Variants in PRPH observed in about 807,000 individuals in gnomAD.
PRPH encodes neurofilament 4 (57kD).
A neutral mutation model predicts 52.6 loss-of-function variants in PRPH; 48 were observed. The ratio of observed to expected loss-of-function variants is 0.91; its 90% CI spans 0.72 to 1.16. PRPH has a LOEUF of 1.16. Among genes scored for constraint, PRPH ranks in the 50% most tolerant of loss-of-function variants. The pLI is 0.00. For missense variants in PRPH, 579 were observed against 635.7 expected, an observed-to-expected ratio of 0.91 and a Z score of 0.96; for synonymous variants, 279 against 283.8, an observed-to-expected ratio of 0.98 and a Z score of 0.17.
At position 49,297,827 on chromosome 12, in the gene PRPH, C is replaced by G; in HGVS notation, c.1267+101C>G. ...GGGATCTCTTCTCCCCACGGAACTT[C>G]TGGGTCCTGGCCTGTACCCACCCCT... On this transcript the variant is annotated intron_variant, in intron 7 of 8. Transcript: ENST00000257860. This position sits in a 1 kb window ranked among gnomAD's most constrained non-coding sequence, Gnocchi z 4.4. The G allele has an allele frequency of 6.3e-7, 1 of 1,595,250 alleles. No individual in the cohort carries two copies. The highest frequency in any genetic ancestry group is 8.6e-7 in the Non-Finnish European group (1 of 1,163,430).
Position 49,295,679 on chromosome 12 carries a change from G to A in PRPH, c.479G>A (p.Arg160His), listed in dbSNP as rs753306967. 9 of 1,534,322 alleles carry A rather than the reference G, an allele frequency of 5.9e-6. No individual in the cohort carries two copies. Among genetic ancestry groups the A allele is most frequent in the Non-Finnish European group, 7.0e-6 (8 of 1,144,138 alleles). Residue 160 changes from arginine (R) to histidine (H), a missense_variant, in exon 1 of 9, where the codon CGC becomes CAC. Physicochemically the swap from Arg to His is conservative, Grantham distance 29. Coordinates refer to ENST00000257860, the MANE Select transcript of PRPH (RefSeq NM_006262.4). ...CGGCGAGAGCTGGAGCTGTTGGGCC[G>A]CGAGCGTGACCGGGTGCAGGTGGAG... ...ELRRELELLG[R>H]ERDRVQVERD...
Position 49,296,654 on chromosome 12 carries a change from T to A in PRPH, c.702+127T>A. On this transcript the variant is annotated intron_variant, in intron 3 of 8. Coordinates refer to ENST00000257860, the MANE Select transcript of PRPH (RefSeq NM_006262.4). The surrounding 1 kb of genome is among the most constrained non-coding windows in gnomAD (Gnocchi z 5.1). ...CTGGGTAGACGCAGCCCCTCCACCC[T>A]AGTCTACAGGTGGTTAGACTCCCAC... 1 of 1,101,066 alleles carries A rather than the reference T, an allele frequency of 9.1e-7. No individual in the cohort carries two copies. Among genetic ancestry groups the A allele is most frequent in the South Asian group, 1.3e-5 (1 of 75,024 alleles). The allele number at this position is 1,101,066 out of a possible 1,614,324, so 68.2% of individuals were successfully genotyped here.
In PRPH at chr12:49,295,719, G is replaced by A. The variant is rs868598636; in HGVS notation, c.519G>A (p.Ala173=). The A allele has an allele frequency of 3.3e-6, 5 of 1,522,010 alleles. No homozygotes were observed. The highest frequency in any genetic ancestry group is 4.5e-4 in the Middle Eastern group (2 of 4,446). 94.3% of individuals were successfully genotyped at this position (1,522,010 alleles called of 1,614,324 possible). ...DRVQVERDGL[A]EDLAALKQRL... ...TGCAGGTGGAGCGCGACGGGCTGGC[G>A]GAGGACCTGGCGGCGCTCAAGCAGA... Residue 173 remains alanine, a synonymous_variant, in exon 1 of 9, where the codon GCG becomes GCA. Transcript: ENST00000257860.
chr12:49,296,144 C>A lies in PRPH; in HGVS notation c.546-34C>A. The stretch of plus-strand genomic sequence containing the variant: ...CTGGGGTGCGAGCTGGGCGGCGACC[C>A]CGCAGTTCAGCCTCTGCACGCTCTT... On this transcript the variant is annotated intron_variant, in intron 1 of 8. Coordinates refer to ENST00000257860, the MANE Select transcript of PRPH (RefSeq NM_006262.4). This position sits in a 1 kb window ranked among gnomAD's most constrained non-coding sequence, Gnocchi z 5.1. 1 of 1,606,200 alleles carries A rather than the reference C, an allele frequency of 6.2e-7. No homozygotes were observed. The highest frequency in any genetic ancestry group is 8.5e-7 in the Non-Finnish European group (1 of 1,178,014).
Position 49,296,040 on chromosome 12 carries a change from C to T in PRPH, c.546-138C>T. 1 of 1,314,502 alleles carries T rather than the reference C, an allele frequency of 7.6e-7. No individual in the cohort carries two copies. Among genetic ancestry groups the T allele is most frequent in the Non-Finnish European group, 1.1e-6 (1 of 947,780 alleles). The allele number at this position is 1,314,502 out of a possible 1,614,324, so 81.4% of individuals were successfully genotyped here. On this transcript the variant is annotated intron_variant, in intron 1 of 8. Coordinates refer to ENST00000257860, the MANE Select transcript of PRPH (RefSeq NM_006262.4). The surrounding 1 kb of genome is among the most constrained non-coding windows in gnomAD (Gnocchi z 5.1). Reference sequence around the variant, plus strand: ...CCGTTAGAGACAATGCGGGGCAATTCCATTAGACAGCCTCAGCCCTCCATT... The same window carrying T: ...CCGTTAGAGACAATGCGGGGCAATTTCATTAGACAGCCTCAGCCCTCCATT...
At position 49,296,673 on chromosome 12, in the gene PRPH, C is replaced by G; in HGVS notation, c.702+146C>G. On this transcript the variant is annotated intron_variant, in intron 3 of 8. Coordinates refer to ENST00000257860, the MANE Select transcript of PRPH (RefSeq NM_006262.4). This position sits in a 1 kb window ranked among gnomAD's most constrained non-coding sequence, Gnocchi z 5.1. ...CCACCCTAGTCTACAGGTGGTTAGA[C>G]TCCCACCCTTGCGCCACCTGGCGGC... is the stretch of plus-strand genomic sequence containing the variant. 1 of 1,098,236 alleles carries G rather than the reference C, an allele frequency of 9.1e-7. No individual in the cohort carries two copies. The highest frequency in any genetic ancestry group is 1.4e-5 in the South Asian group (1 of 73,234). 68.0% of individuals were successfully genotyped at this position (1,098,236 alleles called of 1,614,324 possible).
In PRPH at chr12:49,296,086, C is replaced by G; in HGVS notation, c.546-92C>G. 1 of 1,421,116 alleles carries G rather than the reference C, an allele frequency of 7.0e-7. No homozygotes were observed. Among genetic ancestry groups the G allele is most frequent in the Non-Finnish European group, 9.7e-7 (1 of 1,033,626 alleles). 88.0% of individuals were successfully genotyped at this position (1,421,116 alleles called of 1,614,324 possible). A position where few individuals can be genotyped will look rare whatever the true frequency, so the allele number is the denominator to read the frequency against. ...CCATTTAGAGTCCTGGGCAGCAGAA[C>G]AGCCTCTAACCGGATCCTGGGGGGC... is the stretch of plus-strand genomic sequence containing the variant. On this transcript the variant is annotated intron_variant, in intron 1 of 8. Transcript: ENST00000257860. This position sits in a 1 kb window ranked among gnomAD's most constrained non-coding sequence, Gnocchi z 5.1.
rs756125993 is a variant in PRPH at position 49,296,392 on chromosome 12, C to T, written c.607-40C>T. On this transcript the variant is annotated intron_variant, in intron 2 of 8. Coordinates refer to ENST00000257860, the MANE Select transcript of PRPH (RefSeq NM_006262.4). This position sits in a 1 kb window ranked among gnomAD's most constrained non-coding sequence, Gnocchi z 5.1. ...CCTGGTCCTTCCTTGGTCTGCGCAG[C>T]CCCTAACTTATCTTGAACCTCCACT... The T allele has an allele frequency of 1.9e-6, 3 of 1,602,182 alleles. No homozygotes were observed. The South Asian group carries it at 3.3e-5, about 18-fold the overall frequency.
In PRPH at chr12:49,298,501, G is replaced by A. The variant is rs1009934048; in HGVS notation, c.*148G>A. On this transcript the variant is annotated 3_prime_UTR_variant, in exon 9 of 9. Coordinates refer to ENST00000257860, the MANE Select transcript of PRPH (RefSeq NM_006262.4). Reference sequence around the variant, plus strand: ...CCTGGCTTATGGCCAAGCCCTACCCGGCCAGCAGTCGCTGGGCCTCTCCCT... The same window carrying A: ...CCTGGCTTATGGCCAAGCCCTACCCAGCCAGCAGTCGCTGGGCCTCTCCCT... The A allele has an allele frequency of 1.4e-4, 112 of 817,360 alleles. No individual in the cohort carries two copies. Among genetic ancestry groups the A allele is most frequent in the Non-Finnish European group, 1.8e-4 (89 of 501,378 alleles). The allele number at this position is 817,360 out of a possible 1,614,324, so 50.6% of individuals were successfully genotyped here.
At position 49,298,091 on chromosome 12, in the gene PRPH, G is replaced by C. The variant is rs1943213762; in HGVS notation, c.1347+54G>C. On this transcript the variant is annotated intron_variant, in intron 8 of 8. Coordinates refer to ENST00000257860, the MANE Select transcript of PRPH (RefSeq NM_006262.4). ...CCACCATTTCCCATATTATTTCTGA[G>C]CCCCAGCCTGGCTGTCGCTAATCTT... The C allele has an allele frequency of 1.9e-6, 3 of 1,588,198 alleles. No individual in the cohort carries two copies. In the African/African-American group the frequency reaches 4.0e-5, roughly 21 times the overall value.
Position 49,295,614 on chromosome 12 carries a change from G to T in PRPH, c.414G>T (p.Ala138=). 1 of 1,547,158 alleles carries T rather than the reference G, an allele frequency of 6.5e-7. No individual in the cohort carries two copies. The highest frequency in any genetic ancestry group is 1.2e-5 in the South Asian group (1 of 84,104). Residue 138 remains alanine, a synonymous_variant, in exon 1 of 9, where the codon GCG becomes GCT. Coordinates refer to ENST00000257860, the MANE Select transcript of PRPH (RefSeq NM_006262.4). The stretch of plus-strand genomic sequence containing the variant: ...GCCAAGCCCGGGGCCAGGAGCCGGC[G>T]CGCGCCGACCAGCTGTGCCAGCAGG... ...ELSQARGQEP[A]RADQLCQQEL...
chr12:49,297,056 G>A lies in PRPH; in HGVS notation c.870G>A (p.Lys290=), dbSNP rs764067790. 1 of 1,613,950 alleles carries A rather than the reference G, an allele frequency of 6.2e-7. No individual in the cohort carries two copies. The highest frequency in any genetic ancestry group is 1.1e-5 in the South Asian group (1 of 91,074). Residue 290 remains lysine, a splice_region_variant and synonymous_variant, in exon 4 of 9, where the codon AAG becomes AAA. Transcript: ENST00000257860. The surrounding 1 kb of genome is among the most constrained non-coding windows in gnomAD (Gnocchi z 4.4). ...AGGCGGAGGAGTGGTACAAGTCCAA[G>A]GTGCAAGAGCCGGGAGGGCCTGCGA... is the stretch of plus-strand genomic sequence containing the variant. ...LQEAEEWYKS[K]YADLSDAANR... is the part of the protein sequence containing the mutation.
rs1466982640 is a variant in PRPH at position 49,296,595 on chromosome 12, G to A, written c.702+68G>A. ...GTGGTCTCGCTGGAGCTGGCGGGTG[G>A]AGCGGAGGCATCGCCCTGGGGATCA... On this transcript the variant is annotated intron_variant, in intron 3 of 8. Coordinates refer to ENST00000257860, the MANE Select transcript of PRPH (RefSeq NM_006262.4). The surrounding 1 kb of genome is among the most constrained non-coding windows in gnomAD (Gnocchi z 5.1). The A allele has an allele frequency of 4.1e-6, 6 of 1,446,528 alleles. No individual in the cohort carries two copies. Among genetic ancestry groups the A allele is most frequent in the Non-Finnish European group, 5.8e-6 (6 of 1,037,674 alleles). 89.6% of individuals were successfully genotyped at this position (1,446,528 alleles called of 1,614,324 possible). A position where few individuals can be genotyped will look rare whatever the true frequency, so the allele number is the denominator to read the frequency against.
In PRPH at chr12:49,297,993, C is replaced by A. The variant is rs146828143; in HGVS notation, c.1303C>A (p.Arg435=). The part of the protein sequence containing the change: ...EVEPPQDSHS[R]KTVLIKTIET... The stretch of plus-strand genomic sequence containing the variant: ...GGAGCCTCCCCAGGACAGCCACAGC[C>A]GGAAGACGGTTCTGATCAAGACCAT... The change falls in exon 8 of 9, where the codon CGG becomes AGG. Residue 435 remains arginine, a synonymous_variant. Coordinates refer to ENST00000257860, the MANE Select transcript of PRPH (RefSeq NM_006262.4). The surrounding 1 kb of genome is among the most constrained non-coding windows in gnomAD (Gnocchi z 4.4). The A allele has an allele frequency of 1.2e-6, 2 of 1,614,180 alleles. No homozygotes were observed. Among genetic ancestry groups the A allele is most frequent in the Non-Finnish European group, 1.7e-6 (2 of 1,180,040 alleles).
chr12:49,297,594 TG>T lies in PRPH; in HGVS notation c.1217+21del. On this transcript the variant is annotated intron_variant, in intron 6 of 8. Transcript: ENST00000257860. The surrounding 1 kb of genome is among the most constrained non-coding windows in gnomAD (Gnocchi z 4.4). ...GGAGAGCCGGTGAGGGTGGAGCTGC[TG>T]GGGCGGGGCAGGGCGGGGTCGGGAC... 3.9e-6 allele frequency: 1 copy of T among 254,852 alleles called. No individual in the cohort carries two copies. The highest frequency in any genetic ancestry group is 8.0e-6 in the Non-Finnish European group (1 of 124,818). 15.8% of individuals were successfully genotyped at this position (254,852 alleles called of 1,614,324 possible). A position where few individuals can be genotyped will look rare whatever the true frequency, so the allele number is the denominator to read the frequency against.
rs557421262 is a variant in PRPH, at chr12:49,296,539, C to T, written c.702+12C>T. 8 of 1,612,864 alleles carry T rather than the reference C, an allele frequency of 5.0e-6. No homozygotes were observed. Among genetic ancestry groups the T allele is most frequent in the South Asian group, 2.2e-5 (2 of 90,936 alleles). On this transcript the variant is annotated intron_variant, in intron 3 of 8. Transcript: ENST00000257860. This position sits in a 1 kb window ranked among gnomAD's most constrained non-coding sequence, Gnocchi z 5.1. Reference sequence around the variant, plus strand: ...AGCTGCACGAGGAGGTAAGTGGGCCCGGTATCAGGGGCGGTTTCTGAGGTT... The same window carrying T: ...AGCTGCACGAGGAGGTAAGTGGGCCTGGTATCAGGGGCGGTTTCTGAGGTT...
At position 49,295,671 on chromosome 12, in the gene PRPH, G is replaced by A. The variant is rs1268878433; in HGVS notation, c.471G>A (p.Leu157=). Residue 157 remains leucine (L), a synonymous_variant, in exon 1 of 9, where the codon CTG becomes CTA. Coordinates refer to ENST00000257860, the MANE Select transcript of PRPH (RefSeq NM_006262.4). ...ELRELRRELE[L]LGRERDRVQV... ...GCGAGCTGCGGCGAGAGCTGGAGCT[G>A]TTGGGCCGCGAGCGTGACCGGGTGC... The A allele has an allele frequency of 6.5e-7, 1 of 1,535,912 alleles. No homozygotes were observed. The highest frequency in any genetic ancestry group is 8.7e-7 in the Non-Finnish European group (1 of 1,144,440).
Position 49,297,247 on chromosome 12 carries a change from T to C in PRPH, c.970T>C (p.Cys324Arg). The change falls in exon 5 of 9, where the codon TGC becomes CGC. Residue 324 changes from cysteine (C) to arginine (R), a missense_variant. Cys to Arg is a radical substitution (Grantham distance 180). Transcript: ENST00000257860. The surrounding 1 kb of genome is among the most constrained non-coding windows in gnomAD (Gnocchi z 4.4). The stretch of plus-strand genomic sequence containing the variant: ...CCGACGCCAGATCCAGAGTCTAACG[T>C]GCGAGGTGGACGGGCTGCGCGGCAC... ...ESRRQIQSLT[C>R]EVDGLRGTNE... 1 of 1,613,884 alleles carries C rather than the reference T, an allele frequency of 6.2e-7. No individual in the cohort carries two copies. The highest frequency in any genetic ancestry group is 8.5e-7 in the Non-Finnish European group (1 of 1,179,954).
chr12:49,296,328 G>T lies in PRPH; in HGVS notation c.606+90G>T. The T allele has an allele frequency of 1.9e-6, 3 of 1,570,492 alleles. No homozygotes were observed. Among genetic ancestry groups the T allele is most frequent in the Middle Eastern group, 1.7e-4 (1 of 5,988 alleles). On this transcript the variant is annotated intron_variant, in intron 2 of 8. Transcript: ENST00000257860. The surrounding 1 kb of genome is among the most constrained non-coding windows in gnomAD (Gnocchi z 5.1). ...GTGGCATCGGTGGGCGCGGGGAGAA[G>T]GGGGTAACCCAGATGCCTCCTGAGG...
Sources: gnomAD v4.1 joint callset for allele counts on GRCh38, gnomAD v4.1.1 for gene constraint, Gnocchi (gnomAD v3.1) non-coding constraint, MANE v1.5 for transcripts, NCBI Gene and HGNC (gene_info 2026-07-23, HGNC 2026-07-21) for gene names.